Variants in ASB5 observed in about 807,000 individuals in gnomAD.
ASB5 encodes ankyrin repeat and SOCS box protein 5.
Under a neutral mutation model 42.1 loss-of-function variants are expected in ASB5, and 45 were observed. The ratio of observed to expected loss-of-function variants is 1.07; its 90% CI spans 0.84 to 1.37. The LOEUF (loss-of-function observed/expected upper bound fraction) is 1.37, where lower values mean the gene tolerates loss of function less well. Among genes scored for constraint, ASB5 ranks in the 40% most tolerant of loss-of-function variants. ASB5 has a pLI of 0.00. For missense variants in ASB5, 402 were observed against 399.8 expected, an observed-to-expected ratio of 1.01 and a Z score of -0.05; for synonymous variants, 147 against 150.6, an observed-to-expected ratio of 0.98 and a Z score of 0.18.
At chr4:176,272,381 C>T (rs187423471), upstream of ASB5, among the ~76,000 whole-genome samples, 16 of 152,080 alleles carry the variant, frequency 1.1e-4, no homozygotes, top group African/African-American at 3.4e-4. Flanking sequence ...TTGAGTCTGG[C>T]CAGAAGAAGT....
At chr4:176,251,665 A>G (rs772871831) in intron 1 of ASB5, among the ~76,000 whole-genome samples, 1 of 150,462 alleles carries the variant, frequency 6.6e-6, no homozygotes, top group Non-Finnish European at 1.5e-5. Context: ...TGGAGAATCA[A>G]AAGGTGAACA....
chr4:176,269,644 T>TAA (rs11462344), upstream of ASB5, among the ~76,000 whole-genome samples: 3 of 152,002 alleles, frequency 2.0e-5, no homozygotes, highest in Non-Finnish European at 2.9e-5. Context: ...TTTACTGATT[T>TAA]AAAAAAACAT....
At chr4:176,256,881 G>A (rs1039661042) in intron 1 of ASB5, among the ~76,000 whole-genome samples, 1 of 152,012 alleles carries the variant, frequency 6.6e-6, no homozygotes, top group African/African-American at 2.4e-5. Flanking sequence ...AGGTTGCAGT[G>A]AGCCAATATC....
intron 1 of ASB5, among the ~76,000 whole-genome samples, chr4:176,257,076 A>G (rs537516018): frequency 6.6e-6 from 1 of 152,298 alleles, no homozygotes; most frequent in African/African-American, 2.4e-5. Flanking sequence ...GCTGCCAGAG[A>G]TTATGAGAAA....
Position 176,269,102 on chromosome 4 carries a change from C to T in ASB5, c.7G>A (p.Val3Met). ...GCAAACGGCCGATTTTCTTCTAACACCGACATTGCTGCAGAAGAATCTGCG... is the reference window on the plus strand; with the variant it reads ...GCAAACGGCCGATTTTCTTCTAACATCGACATTGCTGCAGAAGAATCTGCG... MS[V>M]LEENRPFAQQ... Residue 3 changes from valine to methionine, a missense_variant, in exon 1 of 7, where the codon GTG becomes ATG. Transcript: ENST00000296525. 6.2e-7 allele frequency: 1 copy of T among 1,609,632 alleles called. No homozygotes were observed. Among genetic ancestry groups the T allele is most frequent in the Non-Finnish European group, 8.5e-7 (1 of 1,177,346 alleles).
chr4:176,252,085 A>AAAAAAAAAAAAAAAG (rs1754051450), intron 1 of ASB5, among the ~76,000 whole-genome samples: 9 of 30,446 alleles, frequency 3.0e-4, no homozygotes, highest in African/African-American at 6.3e-4. Context: ...AAAAAAAAAG[A>AAAAAAAAAAAAAAAG]AAAAAAAAAA....
In ASB5 at chr4:176,214,300, A is replaced by G. The variant is rs1752909190; in HGVS notation, c.*1300T>C. ...TGGTCAAAATATTTACTTTATCAAA[A>G]TTTAATAAATCTATAAAACTCACCC... is the stretch of plus-strand genomic sequence containing the variant. On this transcript the variant is annotated 3_prime_UTR_variant, in exon 7 of 7. Coordinates refer to ENST00000296525, the MANE Select transcript of ASB5 (RefSeq NM_080874.4). 1 of 152,128 alleles carries G rather than the reference A, an allele frequency of 6.6e-6. No homozygotes were observed. The highest frequency in any genetic ancestry group is 2.1e-4 in the South Asian group (1 of 4,828). The allele number at this position is 152,128 out of a possible 1,614,324, so 9.4% of individuals were successfully genotyped here. A position where few individuals can be genotyped will look rare whatever the true frequency, so the allele number is the denominator to read the frequency against.
At chr4:176,249,982 A>G (rs1338375673) in intron 1 of ASB5, among the ~76,000 whole-genome samples, 68 of 151,204 alleles carry the variant, frequency 4.5e-4, no homozygotes, top group Non-Finnish European at 7.4e-4. Flanking sequence ...GGAGAATGAC[A>G]TTAACCCGGG....
intron 3 of ASB5, 110 bp from the exon 4 acceptor site, chr4:176,221,710 T>C: frequency 9.5e-7 from 1 of 1,050,990 alleles, no homozygotes; most frequent in South Asian, 2.2e-5. Flanking sequence ...CGTAGGAAAA[T>C]GTGCACATTA....
intron 1 of ASB5, among the ~76,000 whole-genome samples, chr4:176,276,818 G>A (rs1754570706): frequency 1.3e-5 from 2 of 152,206 alleles, no homozygotes; most frequent in Admixed American, 1.3e-4. Context: ...ATTAACTGAA[G>A]TTGTACCAGT....
chr4:176,273,823 A>C (rs1223626786), upstream of ASB5, among the ~76,000 whole-genome samples: 1 of 152,264 alleles, frequency 6.6e-6, no homozygotes, highest in Non-Finnish European at 1.5e-5. Context: ...TTTAAAAAAT[A>C]GATTTCTTAA....
chr4:176,238,237 G>A (rs1422641695), intron 1 of ASB5, among the ~76,000 whole-genome samples: 3 of 149,282 alleles, frequency 2.0e-5, no homozygotes, highest in Non-Finnish European at 4.4e-5. Context: ...AGTGCATTAC[G>A]GTCAGCTGGT....
At chr4:176,219,575 G>GATATATATATATAT (rs71597433) in intron 5 of ASB5, among the ~76,000 whole-genome samples, 1 of 6,004 alleles carries the variant, frequency 1.7e-4, no homozygotes, top group Non-Finnish European at 3.2e-4. Flanking sequence ...ATATTTGTAT[G>GATATATATATATAT]ATATATATAT....
At chr4:176,219,387 T>C (rs1458209937) in intron 5 of ASB5, among the ~76,000 whole-genome samples, 1 of 87,308 alleles carries the variant, frequency 1.1e-5, no homozygotes, top group African/African-American at 3.8e-5. Flanking sequence ...GATATATAAA[T>C]ATATATATTT....
At chr4:176,239,700 C>T (rs1186906093) in intron 1 of ASB5, among the ~76,000 whole-genome samples, 1 of 152,090 alleles carries the variant, frequency 6.6e-6, no homozygotes, top group Non-Finnish European at 1.5e-5. Flanking sequence ...TTTAAGAAGG[C>T]TTTCTGTAGT....
intron 1 of ASB5, among the ~76,000 whole-genome samples, chr4:176,225,847 C>T (rs1433232932): frequency 6.6e-6 from 1 of 152,198 alleles, no homozygotes; most frequent in Non-Finnish European, 1.5e-5. Flanking sequence ...GCCTTGGTCT[C>T]CCAAAGTGCT....
intron 1 of ASB5, among the ~76,000 whole-genome samples, chr4:176,262,883 C>A (rs1050526623): frequency 2.0e-5 from 3 of 152,166 alleles, no homozygotes; most frequent in Non-Finnish European, 4.4e-5. Context: ...CTATCACCAC[C>A]TATGTCAATT....
intron 1 of ASB5, among the ~76,000 whole-genome samples, chr4:176,253,108 G>A (rs1350967848): frequency 2.0e-5 from 3 of 152,134 alleles, no homozygotes; most frequent in Non-Finnish European, 2.9e-5. Flanking sequence ...TGAGAAACAT[G>A]AGACTTACTT....
intron 6 of ASB5, among the ~76,000 whole-genome samples, chr4:176,216,553 G>A (rs1226500221): frequency 2.6e-5 from 4 of 152,178 alleles, no homozygotes; most frequent in Non-Finnish European, 2.9e-5. Context: ...GTTTCACCAT[G>A]TTGGCCAGGA....
Sources: gnomAD v4.1 joint callset for allele counts (sites outside exome capture counted in the v4.1 genomes callset) on GRCh38, gnomAD v4.1.1 for gene constraint, MANE v1.5 for transcripts, NCBI Gene and HGNC (gene_info 2026-07-23, HGNC 2026-07-21) for gene names.